TTN: variants seen among roughly 807,000 people sequenced by gnomAD.
The protein encoded by TTN is connectin.
Under a neutral mutation model 3,223.0 loss-of-function variants are expected in TTN, and 1,525 were observed. The observed-to-expected ratio is 0.47, with a 90% CI of 0.45 to 0.49. TTN has a LOEUF of 0.49. Among genes scored for constraint, TTN ranks in the 20% least tolerant of loss-of-function variants. The pLI, the probability that TTN is intolerant of heterozygous loss-of-function variation, is 0.00. For synonymous variants in TTN, 14,094 were observed against 15,161.0 expected (o/e 0.93, Z 5.17); for missense variants, 40,786 against 43,424.0 (o/e 0.94, Z 5.40).
In TTN at chr2:178,621,753, G is replaced by GA; in HGVS notation, c.45083-13dup. 1.2e-6 allele frequency: 2 copies of GA among 1,606,164 alleles called. No individual in the cohort carries two copies. Among genetic ancestry groups the GA allele is most frequent in the Non-Finnish European group, 1.7e-6 (2 of 1,177,366 alleles). On this transcript the variant is annotated splice_polypyrimidine_tract_variant and intron_variant, in intron 244 of 362. Coordinates refer to ENST00000589042, the MANE Select transcript of TTN (RefSeq NM_001267550.2). ...GACAGCTTCTTCTTCTGCAAGCATT[G>GA]AAAAAACAAAAACCACATTGAGTTA...
At position 178,534,012 on chromosome 2, in the gene TTN, T is replaced by C. The variant is rs1414951574; in HGVS notation, c.102603A>G (p.Lys34201=). ...VAILYVKDIT[K]LDDGTYRCKV... is the part of the protein sequence containing the mutation. ...TGCATCTGTAGGTACCATCATCTAA[T>C]TTGGTAATGTCTTTGACATAGAGGA... Residue 34201 remains lysine (K), a synonymous_variant, in exon 358 of 363, where the codon AAA becomes AAG. Transcript: ENST00000589042. The C allele has an allele frequency of 1.2e-6, 2 of 1,614,002 alleles. No homozygotes were observed. Among genetic ancestry groups the C allele is most frequent in the South Asian group, 1.1e-5 (1 of 91,086 alleles).
At chr2:178,745,685 A>C in intron 47 of TTN, 1 of 1,611,628 alleles carries the variant, frequency 6.2e-7, no homozygotes, top group South Asian at 1.1e-5. Flanking sequence ...GCTTGTTATA[A>C]ACAGGTTATG....
chr2:178,628,317 A>C lies in TTN; in HGVS notation c.44424+984T>G, dbSNP rs1299957969. Among the ~76,000 whole-genome samples the C allele has an allele frequency of 5.2e-4, 79 of 152,030 alleles. 2 individuals are homozygous for C. Among genetic ancestry groups the C allele is most frequent in the Admixed American group, 5.2e-3 (79 of 15,234 alleles). On this transcript the variant is annotated intron_variant, in intron 240 of 362. Coordinates refer to ENST00000589042, the MANE Select transcript of TTN (RefSeq NM_001267550.2). ...ATCACTTTTTAATTATATTCCTTTAAGTCTTCAAAGTTTGATTTTTGTTGA... is the reference window on the plus strand; with the variant it reads ...ATCACTTTTTAATTATATTCCTTTACGTCTTCAAAGTTTGATTTTTGTTGA...
In TTN at chr2:178,740,222, C is replaced by T. The variant is rs1251748366; in HGVS notation, c.13011G>A (p.Lys4337=). Residue 4337 remains lysine, a synonymous_variant, in exon 48 of 363, where the codon AAG becomes AAA. Coordinates refer to ENST00000589042, the MANE Select transcript of TTN (RefSeq NM_001267550.2). ...AATGCTCTTCTTTGAGCAGTACCTG[C>T]TTTTCTTCAAGTGCTAGTGGAAATC... ...SLRFPLALEE[K]QVLLKEEHSD... is the part of the protein sequence containing the mutation. 23 of 1,613,664 alleles carry T rather than the reference C, an allele frequency of 1.4e-5. No individual in the cohort carries two copies. The highest frequency in any genetic ancestry group is 1.9e-5 in the Non-Finnish European group (22 of 1,179,798).
rs778086508 is a variant in TTN, at chr2:178,551,680, A to G, written c.91220T>C (p.Leu30407Pro). 8 of 1,611,206 alleles carry G rather than the reference A, an allele frequency of 5.0e-6. No homozygotes were observed. In the South Asian group the frequency reaches 7.7e-5, roughly 16 times the overall value. ...TTTGCTTGGGTCACTAGGTGAGCTT[A>G]GGCCAGCAGAATTTTCAGCATATAC... ...FRVYAENSAGLSSPSDPSKFT... is the reference protein window; with the variant it reads ...FRVYAENSAGPSSPSDPSKFT... The change falls in exon 335 of 363, where the codon CTA (leucine) becomes CCA (proline). Residue 30407 changes from leucine to proline, a missense_variant. Leu to Pro is a moderately conservative substitution (Grantham distance 98). Coordinates refer to ENST00000589042, the MANE Select transcript of TTN (RefSeq NM_001267550.2).
rs773395582 is a variant in TTN, at chr2:178,565,420, T to C, written c.80712A>G (p.Ile26904Met). 3.7e-5 allele frequency: 59 copies of C among 1,613,384 alleles called. No homozygotes were observed. Among genetic ancestry groups the C allele is most frequent in the Non-Finnish European group, 5.0e-5 (59 of 1,179,648 alleles). The change falls in exon 326 of 363, where the codon ATA (isoleucine) becomes ATG (methionine). Residue 26904 changes from isoleucine to methionine, a missense_variant. By Grantham distance (10) the Ile-to-Met change is conservative (BLOSUM62 1). Transcript: ENST00000589042. Reference sequence around the variant, plus strand: ...AAGAAATGTTAGGTCTTGGTCGGCCTATAACTGGAATTTCTATTTTAAGAT... The same window carrying C: ...AAGAAATGTTAGGTCTTGGTCGGCCCATAACTGGAATTTCTATTTTAAGAT... The part of the protein sequence containing the change: ...GEDLKIEIPV[I>M]GRPRPNISWV...
In TTN at chr2:178,569,631, C is replaced by T. The variant is rs1266584718; in HGVS notation, c.76501G>A (p.Val25501Ile). Residue 25501 changes from valine (V) to isoleucine (I), a missense_variant, in exon 326 of 363, where the codon GTT becomes ATT. Transcript: ENST00000589042. ...EHADVPGPII[V>I]EEKLEAPDID... ...TCTGGTGCTTCTAATTTTTCTTCAA[C>T]TATAATAGGTCCAGGGACGTCAGCA... The T allele has an allele frequency of 5.0e-6, 8 of 1,611,790 alleles. No homozygotes were observed. Among genetic ancestry groups the T allele is most frequent in the Non-Finnish European group, 5.9e-6 (7 of 1,178,928 alleles).
chr2:178,718,458 T>A lies in TTN; in HGVS notation c.24648A>T (p.Arg8216Ser). 1 of 1,613,782 alleles carries A rather than the reference T, an allele frequency of 6.2e-7. No homozygotes were observed. The highest frequency in any genetic ancestry group is 8.5e-7 in the Non-Finnish European group (1 of 1,179,756). Residue 8216 changes from arginine (R) to serine (S), a missense_variant, in exon 85 of 363, where the codon AGA becomes AGT. Arg to Ser is a moderately radical substitution (Grantham distance 110, BLOSUM62 -1). Transcript: ENST00000589042. ...ATTTTTCTGTCATAGTAATACTGCA[T>A]CTCTCAGATTGTGAAATAAGATACT... The part of the protein sequence containing the change: ...KDEYLISQSE[R>S]CSITMTEKST...
intron 47 of TTN, chr2:178,750,837 T>C: frequency 6.2e-7 from 1 of 1,613,212 alleles, no homozygotes; most frequent in South Asian, 1.1e-5. Flanking sequence ...ACATTAGTGA[T>C]ATATGTGGAT....
rs374844230 is a variant in TTN, at chr2:178,598,503, T to C, written c.57111+3A>G. 1.9e-6 allele frequency: 3 copies of C among 1,605,222 alleles called. No individual in the cohort carries two copies. The highest frequency in any genetic ancestry group is 2.5e-6 in the Non-Finnish European group (3 of 1,177,778). ...GCATTTCCTTAGTGCCAAGTTTTCC[T>C]ACCTTTTCCCATTCTTCTTTTCCTT... On this transcript the variant is annotated splice_donor_region_variant and intron_variant, in intron 292 of 362. Transcript: ENST00000589042.
chr2:178,624,204 T>C (rs1363783263), intron 242 of TTN, among the ~76,000 whole-genome samples: 1 of 151,994 alleles, frequency 6.6e-6, no homozygotes, highest in Non-Finnish European at 1.5e-5. Context: ...AAAGAGCACA[T>C]CTACTCACTA....
chr2:178,587,524 C>G lies in TTN; in HGVS notation c.63785G>C (p.Arg21262Thr), dbSNP rs1342165359. 1 of 1,608,974 alleles carries G rather than the reference C, an allele frequency of 6.2e-7. No homozygotes were observed. The highest frequency in any genetic ancestry group is 1.7e-5 in the Admixed American group (1 of 59,454). The change falls in exon 306 of 363, where the codon AGA becomes ACA. Residue 21262 changes from arginine (R) to threonine (T), a missense_variant. Coordinates refer to ENST00000589042, the MANE Select transcript of TTN (RefSeq NM_001267550.2). ...GCATTTTAGTAACCCACCTAATACT[C>G]TGACATTTACGAATACAGCCTTTTC... Reference protein sequence around the residue: ...AGEKAVFVNVRVLDTPGPVSD... With the variant: ...AGEKAVFVNVTVLDTPGPVSD...
At position 178,568,562 on chromosome 2, in the gene TTN, A is replaced by G; in HGVS notation, c.77570T>C (p.Ile25857Thr). 1 of 1,613,426 alleles carries G rather than the reference A, an allele frequency of 6.2e-7. No homozygotes were observed. Among genetic ancestry groups the G allele is most frequent in the South Asian group, 1.1e-5 (1 of 91,068 alleles). Residue 25857 changes from isoleucine (I) to threonine (T), a missense_variant, in exon 326 of 363, where the codon ATT becomes ACT. By Grantham distance (89) the Ile-to-Thr change is moderately conservative. Transcript: ENST00000589042. ...TDSLDLTTLSIKETHKDDGGQ... is the reference protein window; with the variant it reads ...TDSLDLTTLSTKETHKDDGGQ... ...ACCATCATCCTTATGAGTTTCTTTAATACTGAGTGTGGTGAGATCCAGTGA... is the reference window on the plus strand; with the variant it reads ...ACCATCATCCTTATGAGTTTCTTTAGTACTGAGTGTGGTGAGATCCAGTGA...
Position 178,579,623 on chromosome 2 carries a change from G to T in TTN, c.67574C>A (p.Ala22525Asp). ...GGTTCCTTCTCCATTTTCATTCTCAGCACTCACTCTGAAGGTATATTCCTT... is the reference window on the plus strand; with the variant it reads ...GGTTCCTTCTCCATTTTCATTCTCATCACTCACTCTGAAGGTATATTCCTT... ...EGKEYTFRVS[A>D]ENENGEGTPS... Residue 22525 changes from alanine (A) to aspartate (D), a missense_variant, in exon 319 of 363, where the codon GCT (alanine) becomes GAT (aspartate). Transcript: ENST00000589042. 2 of 1,613,308 alleles carry T rather than the reference G, an allele frequency of 1.2e-6. No homozygotes were observed. The highest frequency in any genetic ancestry group is 1.7e-6 in the Non-Finnish European group (2 of 1,179,500).
intron 319 of TTN, 82 bp from the exon 320 acceptor site, chr2:178,579,475 T>A (rs1387260278): frequency 6.4e-7 from 1 of 1,569,798 alleles, no homozygotes; most frequent in East Asian, 2.2e-5. Flanking sequence ...TTTTAACGGA[T>A]TTTTAGATAA....
chr2:178,671,189 T>G lies in TTN; in HGVS notation c.35228-19A>C, dbSNP rs765999076. ...TCAGGCCCTTCAAAGATATTAGTAT[T>G]TTGGTTTAGAATGAACTCTTGAAGT... On this transcript the variant is annotated intron_variant, in intron 155 of 362. Transcript: ENST00000589042. 1.9e-5 allele frequency: 30 copies of G among 1,574,722 alleles called. No homozygotes were observed. Among genetic ancestry groups the G allele is most frequent in the Non-Finnish European group, 2.3e-5 (27 of 1,163,836 alleles).
chr2:178,626,668 C>A (rs1442726250), intron 240 of TTN, among the ~76,000 whole-genome samples: 1 of 151,752 alleles, frequency 6.6e-6, no homozygotes, highest in African/African-American at 2.4e-5. Flanking sequence ...GGAAAAATAA[C>A]AGCTAGGAGG....
chr2:178,798,240 A>T (rs1561492370), intron 6 of TTN, among the ~76,000 whole-genome samples: 1 of 152,136 alleles, frequency 6.6e-6, no homozygotes, highest in South Asian at 2.1e-4. Flanking sequence ...GGGAACATCC[A>T]TGTGTTTTTT....
At chr2:178,654,138 G>A (rs1279659455) in intron 193 of TTN, 43 bp from the exon 194 acceptor site, 1 of 1,594,946 alleles carries the variant, frequency 6.3e-7, no homozygotes, top group South Asian at 1.1e-5. Context: ...AATGGCGAAG[G>A]TATATATTAC....
Sources: gnomAD v4.1 joint callset for allele counts (sites outside exome capture counted in the v4.1 genomes callset) on GRCh38, gnomAD v4.1.1 for gene constraint, MANE v1.5 for transcripts, NCBI Gene and HGNC (gene_info 2026-07-23, HGNC 2026-07-21) for gene names.